FBXL17: variants seen among roughly 807,000 people sequenced by gnomAD.
The protein encoded by FBXL17 is F-box and leucine rich repeat protein 17.
A neutral mutation model predicts 66.2 loss-of-function variants in FBXL17; 22 were observed. The observed-to-expected ratio is 0.33, with a 90% CI of 0.24 to 0.47. The LOEUF (loss-of-function observed/expected upper bound fraction) is 0.47, where lower values mean the gene tolerates loss of function less well. Ranked by LOEUF, FBXL17 falls within the 20% of genes least tolerant of loss-of-function variation. The pLI is 1.00. For missense variants in FBXL17, 878 were observed against 948.2 expected, an observed-to-expected ratio of 0.93 and a Z score of 0.97; for synonymous variants, 474 against 400.5, an observed-to-expected ratio of 1.18 and a Z score of -2.19.
At chr5:108,378,300 T>C (rs899770675) in intron 1 of FBXL17, among the ~76,000 whole-genome samples, 2 of 150,704 alleles carry the variant, frequency 1.3e-5, no homozygotes, top group Non-Finnish European at 2.9e-5. Flanking sequence ...CACATTTCTC[T>C]CCCAAATTCT....
chr5:108,266,626 A>C (rs774783445), intron 4 of FBXL17, among the ~76,000 whole-genome samples: 5 of 152,150 alleles, frequency 3.3e-5, no homozygotes, highest in Non-Finnish European at 7.4e-5. Context: ...TTAAGTAAAA[A>C]GGTAGCAGTT....
At position 107,859,858 on chromosome 5, in the gene FBXL17, G is replaced by C. The variant is rs1748075122; in HGVS notation, c.*1862C>G. 1 of 152,108 alleles carries C rather than the reference G, an allele frequency of 6.6e-6. No homozygotes were observed. The highest frequency in any genetic ancestry group is 1.5e-5 in the Non-Finnish European group (1 of 68,004). The allele number at this position is 152,108 out of a possible 1,614,324, so 9.4% of individuals were successfully genotyped here. A position where few individuals can be genotyped will look rare whatever the true frequency, so the allele number is the denominator to read the frequency against. ...TAAATTAGTTTTGGATTAAAAATCAGTTAAAATATTGTGAAATAAGATATT... is the reference window on the plus strand; with the variant it reads ...TAAATTAGTTTTGGATTAAAAATCACTTAAAATATTGTGAAATAAGATATT... On this transcript the variant is annotated 3_prime_UTR_variant, in exon 9 of 9. Coordinates refer to ENST00000542267, the MANE Select transcript of FBXL17 (RefSeq NM_001163315.3).
At chr5:108,123,769 T>A (rs1438664370) in intron 6 of FBXL17, among the ~76,000 whole-genome samples, 2 of 152,022 alleles carry the variant, frequency 1.3e-5, no homozygotes, top group Admixed American at 6.6e-5. Flanking sequence ...AAATATGAGA[T>A]CTCCTAGATT....
rs887491166 is a variant in FBXL17, at chr5:108,052,377, T to C, written c.1746-31376A>G. On this transcript the variant is annotated intron_variant, in intron 6 of 8. Transcript: ENST00000542267. ...GCAAAGTCTCAGGATACAAAATCAA[T>C]GTGTAAAAATCAGAAGTATTCCTTT... Among the ~76,000 whole-genome samples the C allele has an allele frequency of 2.6e-5, 4 of 152,234 alleles. 1 individual carries two copies. The highest frequency in any genetic ancestry group is 2.0e-4 in the Admixed American group (3 of 15,288).
intron 8 of FBXL17, among the ~76,000 whole-genome samples, chr5:107,863,958 A>C (rs1748205043): frequency 6.6e-6 from 1 of 152,200 alleles, no homozygotes; most frequent in Non-Finnish European, 1.5e-5. Context: ...TTATCTGTCC[A>C]CTTGCCTATC....
chr5:108,144,779 G>A (rs530562505), intron 6 of FBXL17, among the ~76,000 whole-genome samples: 138 of 152,212 alleles, frequency 9.1e-4, no homozygotes, highest in Middle Eastern at 3.4e-3. Flanking sequence ...TAATAGGAAT[G>A]AAACTGACAA....
chr5:108,210,100 G>A (rs894261546), intron 5 of FBXL17, among the ~76,000 whole-genome samples: 4 of 152,300 alleles, frequency 2.6e-5, no homozygotes, highest in South Asian at 2.1e-4. Context: ...TATTTGCATA[G>A]AGGTGTTTAT....
At chr5:108,356,801 A>T (rs1175062963) in intron 3 of FBXL17, among the ~76,000 whole-genome samples, 2 of 152,100 alleles carry the variant, frequency 1.3e-5, no homozygotes, top group Non-Finnish European at 2.9e-5. Flanking sequence ...CCAAGAGTGA[A>T]CCCTAACATA....
At chr5:107,994,390 T>TTGTG (rs145256145) in intron 7 of FBXL17, among the ~76,000 whole-genome samples, 1 of 151,492 alleles carries the variant, frequency 6.6e-6, no homozygotes, top group Non-Finnish European at 1.5e-5. Flanking sequence ...TTTTAGTGTG[T>TTGTG]TGTGTGTGTG....
intron 6 of FBXL17, among the ~76,000 whole-genome samples, chr5:108,174,834 T>A (rs1419093807): frequency 6.6e-6 from 1 of 151,274 alleles, no homozygotes; most frequent in Non-Finnish European, 1.5e-5. Flanking sequence ...AGGCAAAGTT[T>A]CTGGTTCCTC....
intron 4 of FBXL17, among the ~76,000 whole-genome samples, chr5:108,243,648 C>T (rs978579037): frequency 1.3e-5 from 2 of 152,064 alleles, no homozygotes; most frequent in African/African-American, 2.4e-5. Context: ...AACCTTCTTC[C>T]GTTTTGTCAA....
chr5:108,097,796 A>AAT (rs2149936963), intron 6 of FBXL17, among the ~76,000 whole-genome samples: 1 of 151,724 alleles, frequency 6.6e-6, no homozygotes, highest in Admixed American at 6.6e-5. Context: ...AAAAAAAAAA[A>AAT]AAATTATATC....
At chr5:107,926,943 C>T (rs566447915) in intron 7 of FBXL17, among the ~76,000 whole-genome samples, 12 of 151,808 alleles carry the variant, frequency 7.9e-5, no homozygotes, top group Non-Finnish European at 1.0e-4. Flanking sequence ...ATAAAATTAC[C>T]GGTTAAACAT....
intron 7 of FBXL17, among the ~76,000 whole-genome samples, chr5:107,949,223 T>C (rs1751416845): frequency 6.6e-6 from 1 of 151,260 alleles, no homozygotes; most frequent in Non-Finnish European, 1.5e-5. Flanking sequence ...TAGACCATGA[T>C]GTTACTTATA....
intron 6 of FBXL17, among the ~76,000 whole-genome samples, chr5:108,149,922 C>T (rs554475255): frequency 1.3e-5 from 2 of 152,140 alleles, no homozygotes; most frequent in Non-Finnish European, 2.9e-5. Flanking sequence ...GGCCCCTTAA[C>T]TTTCCACCTT....
rs1376832479 is a variant in FBXL17, at chr5:107,987,320, C to A, written c.1822+33605G>T. On this transcript the variant is annotated intron_variant, in intron 7 of 8. Coordinates refer to ENST00000542267, the MANE Select transcript of FBXL17 (RefSeq NM_001163315.3). ...TTTTTTTTTTTTTAACCAACAATCA[C>A]CTTTTTGTAAAAAGAAATTTCAAAT... Among the ~76,000 whole-genome samples, 175 of 151,356 alleles carry A rather than the reference C, an allele frequency of 1.2e-3. 3 individuals carry two copies. Among genetic ancestry groups the A allele is most frequent in the Non-Finnish European group, 1.6e-4 (11 of 67,770 alleles).
At chr5:108,023,429 G>A (rs986161972) in intron 6 of FBXL17, among the ~76,000 whole-genome samples, 1 of 152,252 alleles carries the variant, frequency 6.6e-6, no homozygotes, top group East Asian at 1.9e-4. Flanking sequence ...GAAAATGGAA[G>A]TGGTTTGTAT....
chr5:108,240,485 G>A (rs955219341), intron 4 of FBXL17, among the ~76,000 whole-genome samples: 1 of 152,080 alleles, frequency 6.6e-6, no homozygotes, highest in African/African-American at 2.4e-5. Context: ...TATGGAAAGG[G>A]GTAGGAAGAG....
intron 7 of FBXL17, among the ~76,000 whole-genome samples, chr5:107,993,427 A>C (rs9328026): frequency 0.62 from 94,883 of 151,956 alleles, 30,252 homozygotes; most frequent in African/African-American, 0.76. Flanking sequence ...TTATTAAACC[A>C]CCACGTGCAA....
Sources: gnomAD v4.1 joint callset for allele counts (sites outside exome capture counted in the v4.1 genomes callset) on GRCh38, gnomAD v4.1.1 for gene constraint, MANE v1.5 for transcripts, NCBI Gene and HGNC (gene_info 2026-07-23, HGNC 2026-07-21) for gene names.